The following DOCK5 variants were observed in gnomAD, a reference collection of about 807,000 sequenced individuals.
DOCK5 encodes the protein dedicator of cytokinesis protein 5.
Under a neutral mutation model 251.8 loss-of-function variants are expected in DOCK5, and 142 were observed. That is an observed-to-expected ratio of 0.56 (90% confidence interval 0.49 to 0.65). DOCK5 has a LOEUF of 0.65. Ranked by LOEUF, DOCK5 falls within the 30% of genes least tolerant of loss-of-function variation. The pLI, the probability that DOCK5 is intolerant of heterozygous loss-of-function variation, is 0.00. For synonymous variants in DOCK5, 842 were observed against 835.5 expected, an observed-to-expected ratio of 1.01 and a Z score of -0.13; for missense variants, 2,111 against 2,312.3, an observed-to-expected ratio of 0.91 and a Z score of 1.79.
rs186080542 is a variant in DOCK5, at chr8:25,321,707, G to A, written c.1615+655G>A. On this transcript the variant is annotated intron_variant, in intron 16 of 51. Coordinates refer to ENST00000276440, the MANE Select transcript of DOCK5 (RefSeq NM_024940.8). ...ATGAAGCTTTGCTTGCTCCTCCGCC[G>A]CTTACCTCCTGCTGTGTAGCCCAGT... 1.6e-3 allele frequency among the ~76,000 whole-genome samples: 240 copies of A among 152,232 alleles called. 1 individual carries two copies. Among genetic ancestry groups the A allele is most frequent in the Admixed American group, 4.6e-3 (71 of 15,284 alleles).
rs190806643 is a variant in DOCK5, at chr8:25,338,468, T to A, written c.2327+2095T>A. Reference sequence around the variant, plus strand: ...TATTTTTATTTGCTATTTTTTATATTTTTTTGAATTTTTAAATGAATATGT... The same window carrying A: ...TATTTTTATTTGCTATTTTTTATATATTTTTGAATTTTTAAATGAATATGT... On this transcript the variant is annotated intron_variant, in intron 22 of 51. Transcript: ENST00000276440. Among the ~76,000 whole-genome samples the A allele has an allele frequency of 2.6e-3, 397 of 152,330 alleles. 6 individuals are homozygous for A. Among genetic ancestry groups the A allele is most frequent in the African/African-American group, 8.4e-3 (349 of 41,576 alleles).
chr8:25,294,220 T>C (rs1804562828), intron 6 of DOCK5, among the ~76,000 whole-genome samples: 1 of 152,172 alleles, frequency 6.6e-6, no homozygotes, highest in Admixed American at 6.6e-5. Flanking sequence ...GCTGTGTCAG[T>C]GCCTTCCTGA....
chr8:25,391,175 G>T (rs1277670112), intron 42 of DOCK5, among the ~76,000 whole-genome samples: 1 of 150,116 alleles, frequency 6.7e-6, no homozygotes, highest in African/African-American at 2.5e-5. Flanking sequence ...CTCCTAAGTA[G>T]CTGGGACATA....
intron 13 of DOCK5, among the ~76,000 whole-genome samples, chr8:25,313,506 A>G (rs1394306699): frequency 1.3e-5 from 2 of 152,118 alleles, no homozygotes; most frequent in Non-Finnish European, 2.9e-5. Context: ...CCACCTTCTC[A>G]TATTCTGCTT....
At chr8:25,345,760 C>CTCTGGCCTCCCTAATTAT in intron 26 of DOCK5, 149 bp downstream of exon 26, 1 of 1,129,446 alleles carries the variant, frequency 8.9e-7, no homozygotes, top group South Asian at 1.5e-5. Flanking sequence ...ATTAGGGAGG[C>CTCTGGCCTCCCTAATTAT]CAGAGCCTCC....
intron 29 of DOCK5, among the ~76,000 whole-genome samples, 173 bp downstream of exon 29, chr8:25,363,314 G>A (rs1800721016): frequency 6.6e-6 from 1 of 152,124 alleles, no homozygotes; most frequent in South Asian, 2.1e-4. Context: ...TTTTCCCAGG[G>A]TAATTGCCTT....
Position 25,395,665 on chromosome 8 carries a change from G to C in DOCK5, c.4650G>C (p.Leu1550=), listed in dbSNP as rs929085458. The change falls in exon 45 of 52, where the codon CTG becomes CTC. Residue 1550 remains leucine (L), a synonymous_variant. Coordinates refer to ENST00000276440, the MANE Select transcript of DOCK5 (RefSeq NM_024940.8). ...RSLSVHPLSM[L]LSGIVDPAVM... is the part of the protein sequence containing the mutation. ...TCTCTGTGCACCCTCTCTCCATGCT[G>C]CTCAGTGGCATCGTGGACCCGGCCG... is the stretch of plus-strand genomic sequence containing the variant. 1.2e-6 allele frequency: 2 copies of C among 1,613,698 alleles called. No individual in the cohort carries two copies. The highest frequency in any genetic ancestry group is 2.7e-5 in the African/African-American group (2 of 74,952).
intron 1 of DOCK5, among the ~76,000 whole-genome samples, chr8:25,239,762 C>T (rs1476083304): frequency 1.3e-5 from 2 of 152,168 alleles, no homozygotes; most frequent in African/African-American, 2.4e-5. Context: ...TGCGATTTCT[C>T]CTAACCTATG....
At chr8:25,358,901 T>TC in intron 27 of DOCK5, 62 bp from the exon 28 acceptor site, 5 of 1,436,570 alleles carry the variant, frequency 3.5e-6, no homozygotes, top group Middle Eastern at 3.6e-4. Context: ...GGGGCTCACA[T>TC]AGTGTTTTTG....
At chr8:25,397,329 A>G (rs976834848) in intron 45 of DOCK5, among the ~76,000 whole-genome samples, 7 of 152,194 alleles carry the variant, frequency 4.6e-5, no homozygotes, top group African/African-American at 1.7e-4. Flanking sequence ...AGTGCTTGAC[A>G]TAGAGTCGAG....
intron 34 of DOCK5, 114 bp from the exon 35 acceptor site, chr8:25,372,445 T>C: frequency 9.3e-7 from 1 of 1,073,468 alleles, no homozygotes; most frequent in African/African-American, 1.6e-5. Context: ...ACATTGACGT[T>C]CTGTGTCATC....
intron 26 of DOCK5, among the ~76,000 whole-genome samples, chr8:25,347,208 T>C (rs956478957): frequency 1.3e-5 from 2 of 152,232 alleles, no homozygotes; most frequent in African/African-American, 4.8e-5. Context: ...CCTTTTCTCC[T>C]GCTCATGGTT....
rs1423672913 is a variant in DOCK5, at chr8:25,210,102, A to G, written c.43+25151A>G. Among the ~76,000 whole-genome samples, 2 of 47,320 alleles carry G rather than the reference A, an allele frequency of 4.2e-5. 1 individual carries two copies. The highest frequency in any genetic ancestry group is 1.3e-4 in the Non-Finnish European group (2 of 15,506). The allele number at this position is 47,320 out of a possible 152,430, so 31.0% of individuals were successfully genotyped here. On this transcript the variant is annotated intron_variant, in intron 1 of 51. Coordinates refer to ENST00000276440, the MANE Select transcript of DOCK5 (RefSeq NM_024940.8). ...TATTTATCTATCTATCTATCTATCT[A>G]TCTATCTATCTATCTATCTATCTAT... is the stretch of plus-strand genomic sequence containing the variant.
intron 2 of DOCK5, among the ~76,000 whole-genome samples, chr8:25,257,926 G>C (rs1341702843): frequency 6.6e-6 from 1 of 152,124 alleles, no homozygotes; most frequent in Non-Finnish European, 1.5e-5. Context: ...ATAAGCTAGA[G>C]AAATGCACCA....
intron 2 of DOCK5, among the ~76,000 whole-genome samples, chr8:25,247,749 C>G (rs1803154741): frequency 6.6e-6 from 1 of 152,178 alleles, no homozygotes; most frequent in Non-Finnish European, 1.5e-5. Context: ...CAGATACATT[C>G]ATTTCAAATA....
At chr8:25,220,003 C>T (rs568342220) in intron 1 of DOCK5, among the ~76,000 whole-genome samples, 13 of 147,954 alleles carry the variant, frequency 8.8e-5, no homozygotes, top group African/African-American at 3.1e-4. Flanking sequence ...CTTTAGTTTT[C>T]TTCTTCTTTT....
rs180743433 is a variant in DOCK5 at position 25,408,996 on chromosome 8, G to T, written c.5404+56G>T. The T allele has an allele frequency of 5.6e-6, 9 of 1,609,278 alleles. No homozygotes were observed. The East Asian group carries it at 2.0e-4, about 36-fold the overall frequency. On this transcript the variant is annotated intron_variant, in intron 50 of 51. Coordinates refer to ENST00000276440, the MANE Select transcript of DOCK5 (RefSeq NM_024940.8). ...TTACTAGGGAATGGAGTATGTTTAT[G>T]CATCTGGGCAGTTTGTAACTAAACC...
At chr8:25,269,674 T>C (rs1396838839) in intron 3 of DOCK5, among the ~76,000 whole-genome samples, 1 of 151,118 alleles carries the variant, frequency 6.6e-6, no homozygotes, top group Non-Finnish European at 1.5e-5. Context: ...CTTTTAGGTC[T>C]TGTCAGCACT....
chr8:25,215,889 C>G (rs1301942055), intron 1 of DOCK5, among the ~76,000 whole-genome samples: 6 of 150,736 alleles, frequency 4.0e-5, no homozygotes, highest in African/African-American at 1.5e-4. Context: ...AAAGTAACAC[C>G]TCTCAGATTT....
Sources: gnomAD v4.1 joint callset for allele counts (sites outside exome capture counted in the v4.1 genomes callset) on GRCh38, gnomAD v4.1.1 for gene constraint, MANE v1.5 for transcripts, NCBI Gene and HGNC (gene_info 2026-07-23, HGNC 2026-07-21) for gene names.